RXFP1: variants seen among roughly 807,000 people sequenced by gnomAD.
The protein encoded by RXFP1 is relaxin family peptide receptor 1.
Under a neutral mutation model 89.8 loss-of-function variants are expected in RXFP1, and 73 were observed. That is an observed-to-expected ratio of 0.81 (90% CI 0.67 to 0.99). RXFP1 has a LOEUF of 0.99. RXFP1 is among the 50% of genes least tolerant of loss of function. The probability of loss-of-function intolerance (pLI) is 0.00; values close to 1 mark genes in which losing one functional copy is unlikely to be tolerated. For synonymous variants in RXFP1, 277 were observed against 305.5 expected (o/e 0.91, Z 0.97); for missense variants, 793 against 895.5 (o/e 0.89, Z 1.46).
Position 158,584,746 on chromosome 4 carries a change from C to T in RXFP1, c.188-8655C>T, listed in dbSNP as rs1037558994. On this transcript the variant is annotated intron_variant, in intron 2 of 17. Coordinates refer to ENST00000307765, the MANE Select transcript of RXFP1 (RefSeq NM_021634.4). Reference sequence around the variant, plus strand: ...TGTGAAAGATGCTGAGTCCTAACCCCCCACCCCAGAAATGCTAATCTAATA... The same window carrying T: ...TGTGAAAGATGCTGAGTCCTAACCCTCCACCCCAGAAATGCTAATCTAATA... 2.6e-5 allele frequency among the ~76,000 whole-genome samples: 4 copies of T among 152,218 alleles called. No individual in the cohort carries two copies. In the East Asian group the frequency reaches 7.7e-4, roughly 29 times the overall value.
intron 3 of RXFP1, among the ~76,000 whole-genome samples, chr4:158,594,058 A>G (rs973088902): frequency 6.6e-6 from 1 of 152,232 alleles, no homozygotes; most frequent in African/African-American, 2.4e-5. Flanking sequence ...AACTCCTCTT[A>G]AATAAATTTT....
At chr4:158,573,865 G>A (rs1032223334) in intron 2 of RXFP1, among the ~76,000 whole-genome samples, 2 of 152,216 alleles carry the variant, frequency 1.3e-5, no homozygotes, top group African/African-American at 4.8e-5. Context: ...TGGACATCTA[G>A]GAGGTGCTGT....
In RXFP1 at chr4:158,527,564, A is replaced by AATATAT. The variant is rs1553989424; in HGVS notation, c.49+5548_49+5553dup. ...ATCTCCCCCGCTCCAAAAAAAAAAA[A>AATATAT]ATATATATATATATGTATATATATA... On this transcript the variant is annotated intron_variant, in intron 1 of 17. Coordinates refer to ENST00000307765, the MANE Select transcript of RXFP1 (RefSeq NM_021634.4). Among the ~76,000 whole-genome samples, 11 of 98,322 alleles carry AATATAT rather than the reference A, an allele frequency of 1.1e-4. No homozygotes were observed. The East Asian group carries it at 1.3e-3, about 11-fold the overall frequency. 64.5% of individuals were successfully genotyped at this position (98,322 alleles called of 152,430 possible). A position where few individuals can be genotyped will look rare whatever the true frequency, so the allele number is the denominator to read the frequency against.
chr4:158,607,113 A>T, intron 5 of RXFP1: 1 of 1,536,032 alleles, frequency 6.5e-7, no homozygotes. Flanking sequence ...TCCTTACTTT[A>T]TCATTCCCGC....
At chr4:158,553,598 T>G (rs1355198396) in intron 1 of RXFP1, among the ~76,000 whole-genome samples, 4 of 152,156 alleles carry the variant, frequency 2.6e-5, no homozygotes, top group African/African-American at 4.8e-5. Context: ...GGCCACCTTC[T>G]GGAATGTCTT....
At chr4:158,641,533 C>T (rs887882786) in intron 14 of RXFP1, among the ~76,000 whole-genome samples, 2 of 152,286 alleles carry the variant, frequency 1.3e-5, no homozygotes, top group African/African-American at 4.8e-5. Flanking sequence ...TAGTAAAATA[C>T]CAATCAACAC....
At chr4:158,576,289 A>G (rs1261339824) in intron 2 of RXFP1, among the ~76,000 whole-genome samples, 1 of 152,158 alleles carries the variant, frequency 6.6e-6, no homozygotes, top group Admixed American at 6.5e-5. Context: ...GGCCAGGCCC[A>G]GTGACTCACA....
At chr4:158,526,185 G>C (rs1283888098) in intron 1 of RXFP1, among the ~76,000 whole-genome samples, 1 of 152,180 alleles carries the variant, frequency 6.6e-6, no homozygotes, top group Non-Finnish European at 1.5e-5. Context: ...ACATTCCTCA[G>C]TGTACACCAA....
intron 9 of RXFP1, among the ~76,000 whole-genome samples, chr4:158,619,940 A>T (rs1185284785): frequency 6.6e-6 from 1 of 152,236 alleles, no homozygotes; most frequent in Non-Finnish European, 1.5e-5. Context: ...AAGGGGGAAC[A>T]GCAAAGCTGA....
chr4:158,647,032 T>G lies in RXFP1; in HGVS notation c.1587T>G (p.Ile529Met). The change falls in exon 16 of 18, where the codon ATT (isoleucine) becomes ATG (methionine). Residue 529 changes from isoleucine (I) to methionine (M), a missense_variant. Physicochemically the swap from Ile to Met is conservative, Grantham distance 10 (BLOSUM62 1). Coordinates refer to ENST00000307765, the MANE Select transcript of RXFP1 (RefSeq NM_021634.4). ...TGAGACCTGGAAAATGCAGAACAATTACAGTTCTGATTCTCATTTGGATTA... is the reference window on the plus strand; with the variant it reads ...TGAGACCTGGAAAATGCAGAACAATGACAGTTCTGATTCTCATTTGGATTA... ...RCVRPGKCRT[I>M]TVLILIWITG... The G allele has an allele frequency of 6.2e-7, 1 of 1,614,128 alleles. No homozygotes were observed. The highest frequency in any genetic ancestry group is 8.5e-7 in the Non-Finnish European group (1 of 1,179,988).
At chr4:158,564,842 T>C (rs538583582) in intron 1 of RXFP1, among the ~76,000 whole-genome samples, 28 of 152,246 alleles carry the variant, frequency 1.8e-4, no homozygotes, top group Non-Finnish European at 3.2e-4. Flanking sequence ...CTTAAAGATA[T>C]GGTTCCATGC....
chr4:158,544,295 T>C, intron 1 of RXFP1: 1 of 985,258 alleles, frequency 1.0e-6, no homozygotes, highest in Non-Finnish European at 1.2e-6. Context: ...TAACTTGGAA[T>C]GCCCTGAGCA....
chr4:158,568,311 C>G (rs1439978378), intron 1 of RXFP1, among the ~76,000 whole-genome samples: 2 of 152,224 alleles, frequency 1.3e-5, no homozygotes, highest in Non-Finnish European at 2.9e-5. Flanking sequence ...GGAGCTATAT[C>G]TGCCACTAAA....
intron 2 of RXFP1, among the ~76,000 whole-genome samples, chr4:158,592,818 T>A (rs940168390): frequency 2.0e-5 from 3 of 151,934 alleles, no homozygotes; most frequent in African/African-American, 4.8e-5. Flanking sequence ...AGTCAGGGCA[T>A]GGTGGCGCAC....
At chr4:158,595,981 C>T (rs1760495686) in intron 3 of RXFP1, among the ~76,000 whole-genome samples, 1 of 134,010 alleles carries the variant, frequency 7.5e-6, no homozygotes, top group African/African-American at 3.5e-5. Flanking sequence ...AGAACCCAAT[C>T]TCTCCAAAAA....
At chr4:158,648,415 A>T in intron 16 of RXFP1, 84 bp from the exon 17 acceptor site, 1 of 818,266 alleles carries the variant, frequency 1.2e-6, no homozygotes, top group Non-Finnish European at 1.9e-6. Flanking sequence ...TTGTATCTTT[A>T]ATAATAAAAA....
chr4:158,554,460 G>T (rs1750829995), intron 1 of RXFP1, among the ~76,000 whole-genome samples: 1 of 151,978 alleles, frequency 6.6e-6, no homozygotes, highest in African/African-American at 2.4e-5. Flanking sequence ...AAGCATATAT[G>T]TCTTTTATCT....
At chr4:158,635,855 T>C (rs1769045991) in intron 12 of RXFP1, among the ~76,000 whole-genome samples, 1 of 152,038 alleles carries the variant, frequency 6.6e-6, no homozygotes, top group Admixed American at 6.6e-5. Context: ...CCTCTTTTTT[T>C]TTAATTTTGT....
At chr4:158,551,652 A>C (rs576643982) in intron 1 of RXFP1, among the ~76,000 whole-genome samples, 1 of 152,328 alleles carries the variant, frequency 6.6e-6, no homozygotes, top group African/African-American at 2.4e-5. Context: ...ATAAATAAAT[A>C]AATATAGGCT....
Sources: allele counts gnomAD v4.1 joint callset (sites outside exome capture counted in the v4.1 genomes callset), GRCh38; gene constraint gnomAD v4.1.1; transcripts MANE v1.5; gene names NCBI Gene and HGNC (gene_info 2026-07-23, HGNC 2026-07-21).